The following ITIH3 variants were observed in gnomAD, a reference collection of about 807,000 sequenced individuals.
ITIH3 encodes the protein inter-alpha-trypsin inhibitor heavy chain H3.
ITIH3 carries 81 observed loss-of-function variants against 96.5 expected under a neutral mutation model. The ratio of observed to expected loss-of-function variants is 0.84; its 90% CI spans 0.70 to 1.01. The LOEUF (loss-of-function observed/expected upper bound fraction) is 1.01, where lower values mean the gene tolerates loss of function less well. ITIH3 is among the 50% of genes least tolerant of loss of function. The pLI is 0.00. For synonymous variants in ITIH3, 422 were observed against 445.2 expected, an observed-to-expected ratio of 0.95 and a Z score of 0.66; for missense variants, 1,057 against 1,139.3, an observed-to-expected ratio of 0.93 and a Z score of 1.04.
At chr3:52,799,942 C>T (rs755809407) in intron 9 of ITIH3, 21 bp downstream of exon 9, 21 of 1,609,090 alleles carry the variant, frequency 1.3e-5, no homozygotes, top group Non-Finnish European at 2.5e-6. Flanking sequence ...AGCTGGAGCC[C>T]ACACACCTCC....
At chr3:52,800,912 C>A in intron 10 of ITIH3, 53 bp from the exon 11 acceptor site, 2 of 1,608,328 alleles carry the variant, frequency 1.2e-6, no homozygotes, top group South Asian at 2.2e-5. Context: ...CAGAGCTGGT[C>A]TAGACCATCC....
At chr3:52,797,714 G>A (rs146777600) in intron 5 of ITIH3, 103 bp from the exon 6 acceptor site, 4 of 719,930 alleles carry the variant, frequency 5.6e-6, no homozygotes, top group African/African-American at 1.7e-5. Context: ...CTGTCCTAGA[G>A]GGTCCCTGCA....
intron 9 of ITIH3, 134 bp from the exon 10 acceptor site, chr3:52,800,384 TCATTCATTGTTTGCTGAGTA>T (rs1482064642): frequency 9.3e-6 from 7 of 756,068 alleles, no homozygotes; most frequent in Non-Finnish European, 1.5e-5. Flanking sequence ...ATGTGGTGGT[TCATTCATTGTTTGCTGAGTA>T]CCACCATGGG....
chr3:52,807,781 G>A lies in ITIH3; in HGVS notation c.2296G>A (p.Val766Ile). 6.2e-7 allele frequency: 1 copy of A among 1,612,274 alleles called. No individual in the cohort carries two copies. Among genetic ancestry groups the A allele is most frequent in the Non-Finnish European group, 8.5e-7 (1 of 1,179,268 alleles). Residue 766 changes from valine to isoleucine, a missense_variant, in exon 20 of 22, where the codon GTC becomes ATC. Transcript: ENST00000449956. Reference protein sequence around the residue: ...SMMINRKNMVVSFGDGVTFVV... With the variant: ...SMMINRKNMVISFGDGVTFVV... ...GATGATCAACAGGAAGAACATGGTG[G>A]TCTCCTTTGGAGATGGGGTTACCTT... is the stretch of plus-strand genomic sequence containing the variant.
chr3:52,806,999 C>G lies in ITIH3; in HGVS notation c.2155C>G (p.Gln719Glu). Residue 719 changes from glutamine (Q) to glutamate (E), a missense_variant, in exon 19 of 22, where the codon CAG becomes GAG. By Grantham distance (29) the Gln-to-Glu change is conservative. Transcript: ENST00000449956. ...TGGAAAACTGGGCATCGCCAATGCTCAGATGGACTTCCAGGTGGAGGTGAC... is the reference window on the plus strand; with the variant it reads ...TGGAAAACTGGGCATCGCCAATGCTGAGATGGACTTCCAGGTGGAGGTGAC... The part of the protein sequence containing the change: ...YFGKLGIANA[Q>E]MDFQVEVTTE... The G allele has an allele frequency of 1.3e-6, 2 of 1,599,772 alleles. No individual in the cohort carries two copies. The highest frequency in any genetic ancestry group is 1.7e-4 in the Middle Eastern group (1 of 6,044).
rs1207742802 is a variant in ITIH3, at chr3:52,808,668, C to A, written c.2660C>A (p.Pro887His). 3 of 1,609,900 alleles carry A rather than the reference C, an allele frequency of 1.9e-6. No individual in the cohort carries two copies. The East Asian group carries it at 6.7e-5, about 36-fold the overall frequency. ...IDGVHTDYIV[P>H]NLF ...GGTGTCCACACTGACTACATTGTCC[C>A]CAACCTGTTTTGAGTAGACACACCA... Residue 887 changes from proline to histidine, a missense_variant, in exon 22 of 22, where the codon CCC becomes CAC. Coordinates refer to ENST00000449956, the MANE Select transcript of ITIH3 (RefSeq NM_002217.4).
At chr3:52,804,531 G>C in intron 14 of ITIH3, 195 bp from the exon 15 acceptor site, 1 of 592,698 alleles carries the variant, frequency 1.7e-6, no homozygotes, top group Non-Finnish European at 3.1e-6. Context: ...GAGGCAAAGA[G>C]CTGGGCCTGG....
chr3:52,804,673 T>C, intron 14 of ITIH3, 53 bp from the exon 15 acceptor site: 2 of 1,560,538 alleles, frequency 1.3e-6, no homozygotes, highest in Non-Finnish European at 1.7e-6. Context: ...TGCTCACAAG[T>C]GCCCTATGGC....
At chr3:52,803,435 C>T in intron 13 of ITIH3, among the ~76,000 whole-genome samples, 1 of 151,744 alleles carries the variant, frequency 6.6e-6, no homozygotes, top group East Asian at 1.9e-4. Context: ...TCTCCTGCCT[C>T]AGCCTCCCAA....
At chr3:52,801,791 AACAG>A (rs1699839306) in intron 11 of ITIH3, among the ~76,000 whole-genome samples, 1 of 152,244 alleles carries the variant, frequency 6.6e-6, no homozygotes, top group Admixed American at 6.5e-5. Flanking sequence ...TTCAACCCAT[AACAG>A]ACATACCTAC....
intron 13 of ITIH3, 43 bp from the exon 14 acceptor site, chr3:52,803,812 T>C (rs763350284): frequency 1.9e-6 from 3 of 1,607,206 alleles, no homozygotes; most frequent in Non-Finnish European, 2.5e-6. Flanking sequence ...GTGGGCAGGG[T>C]GCTGCTCTCC....
chr3:52,803,329 T>A (rs1230137071), intron 13 of ITIH3, among the ~76,000 whole-genome samples: 1 of 131,230 alleles, frequency 7.6e-6, no homozygotes, highest in African/African-American at 4.2e-5. Context: ...ATTATTATTT[T>A]TTTTTTTGAG....
At chr3:52,806,253 G>T (rs1380843547) in intron 17 of ITIH3, 40 bp from the exon 18 acceptor site, 1 of 1,602,182 alleles carries the variant, frequency 6.2e-7, no homozygotes, top group Non-Finnish European at 8.5e-7. Context: ...GGTATGATGA[G>T]AGGCCCCGGG....
At chr3:52,800,902 C>CA in intron 10 of ITIH3, 63 bp from the exon 11 acceptor site, 12 of 1,597,376 alleles carry the variant, frequency 7.5e-6, no homozygotes, top group Admixed American at 3.4e-5. Flanking sequence ...TCTCCCCAGA[C>CA]AGAGCTGGTC....
In ITIH3 at chr3:52,807,762, C is replaced by G. The variant is rs975355702; in HGVS notation, c.2277C>G (p.Ile759Met). Residue 759 changes from isoleucine (I) to methionine (M), a missense_variant, in exon 20 of 22, where the codon ATC (isoleucine) becomes ATG (methionine). Ile to Met is a conservative substitution (Grantham distance 10). Transcript: ENST00000449956. Reference sequence around the variant, plus strand: ...CCTCTCGTAGGCTGTCCATGATGATCAACAGGAAGAACATGGTGGTCTCCT... The same window carrying G: ...CCTCTCGTAGGCTGTCCATGATGATGAACAGGAAGAACATGGTGGTCTCCT... ...TVTQDGLSMM[I>M]NRKNMVVSFG... The G allele has an allele frequency of 1.9e-6, 3 of 1,611,182 alleles. No homozygotes were observed. The African/African-American group carries it at 4.0e-5, about 21-fold the overall frequency.
Position 52,806,926 on chromosome 3 carries a change from TG to T in ITIH3, c.2084del (p.Gly695AlafsTer32). The T allele has an allele frequency of 2.5e-6, 4 of 1,590,116 alleles. No homozygotes were observed. Among genetic ancestry groups the T allele is most frequent in the Non-Finnish European group, 3.4e-6 (4 of 1,168,176 alleles). On this transcript the variant is annotated frameshift_variant, in exon 19 of 22. Coordinates refer to ENST00000449956, the MANE Select transcript of ITIH3 (RefSeq NM_002217.4). LOFTEE classifies it high-confidence loss of function. ...GCCTCACAGTTAATGGGCAGATCACTGGCGACAAGAGAGGCAGCCCTGACTC... is the reference window on the plus strand; with the variant it reads ...GCCTCACAGTTAATGGGCAGATCACTGCGACAAGAGAGGCAGCCCTGACTC... ...TGLTVNGQIT[G>X]DKRGSPDSKT...
chr3:52,806,058 A>G (rs1163751695), intron 16 of ITIH3, 45 bp from the exon 17 acceptor site: 4 of 1,580,336 alleles, frequency 2.5e-6, no homozygotes. Context: ...GGCGCCTCCC[A>G]GGGCCACTTG....
intron 13 of ITIH3, among the ~76,000 whole-genome samples, chr3:52,803,090 G>A (rs1699897927): frequency 6.6e-6 from 1 of 152,178 alleles, no homozygotes; most frequent in East Asian, 1.9e-4. Context: ...GTGAGGCTGA[G>A]TGGAACTGAA....
At chr3:52,803,302 ATTTAT>A (rs1353963640) in intron 13 of ITIH3, among the ~76,000 whole-genome samples, 81 of 119,646 alleles carry the variant, frequency 6.8e-4, no homozygotes, top group East Asian at 1.3e-3. Flanking sequence ...TTATTTATTT[ATTTAT>A]TTTATTTTAT....
Sources: allele counts gnomAD v4.1 joint callset (sites outside exome capture counted in the v4.1 genomes callset), GRCh38; gene constraint gnomAD v4.1.1; transcripts MANE v1.5; gene names NCBI Gene and HGNC (gene_info 2026-07-23, HGNC 2026-07-21).